GPD2: variants seen among roughly 807,000 people sequenced by gnomAD.
GPD2 encodes glycerol-3-phosphate dehydrogenase 2, also known as glycerol-3-phosphate dehydrogenase, mitochondrial.
A neutral mutation model predicts 82.4 loss-of-function variants in GPD2; 54 were observed. The observed-to-expected ratio is 0.66, with a 90% confidence interval of 0.53 to 0.82. The LOEUF (loss-of-function observed/expected upper bound fraction) is 0.82, where lower values mean the gene tolerates loss of function less well. Among genes scored for constraint, GPD2 ranks in the 40% least tolerant of loss-of-function variants. The pLI, the probability that GPD2 is intolerant of heterozygous loss-of-function variation, is 0.00. For synonymous variants in GPD2, 288 were observed against 306.1 expected (o/e 0.94, Z 0.62); for missense variants, 748 against 896.2 (o/e 0.83, Z 2.11).
the GPD2 span, among the ~76,000 whole-genome samples, chr2:156,403,778 G>A: frequency 6.6e-6 from 1 of 152,154 alleles, no homozygotes; most frequent in Admixed American, 6.5e-5. Flanking sequence ...ACAATAGCAG[G>A]TGTGTAAAAC....
chr2:156,547,704 G>C (rs1686600084), intron 6 of GPD2, among the ~76,000 whole-genome samples: 1 of 152,160 alleles, frequency 6.6e-6, no homozygotes. Context: ...TTGTTAGTAT[G>C]GAAGCTACAG....
At chr2:156,464,741 A>C (rs1294163702) in intron 1 of GPD2, among the ~76,000 whole-genome samples, 3 of 152,236 alleles carry the variant, frequency 2.0e-5, no homozygotes, top group Non-Finnish European at 4.4e-5. Flanking sequence ...TAATTTAAAA[A>C]AATAAGCTCA....
chr2:156,537,078 T>C (rs888632946), intron 6 of GPD2, among the ~76,000 whole-genome samples: 5 of 152,234 alleles, frequency 3.3e-5, no homozygotes, highest in African/African-American at 1.2e-4. Flanking sequence ...GCAGGAACTC[T>C]TCTGTTTGAC....
chr2:156,401,281 C>T, the GPD2 span, among the ~76,000 whole-genome samples: 4 of 152,156 alleles, frequency 2.6e-5, no homozygotes, highest in African/African-American at 9.7e-5. Flanking sequence ...ATTCTCTAAA[C>T]AATCACGTAT....
intron 2 of GPD2, 143 bp downstream of exon 2, chr2:156,476,350 A>G: frequency 1.5e-6 from 1 of 682,022 alleles, no homozygotes; most frequent in Non-Finnish European, 2.7e-6. Context: ...CTAATTTAGA[A>G]CAGTGCCTTA....
chr2:156,498,367 GAGGGTAGTCATATCTACATAGAA>G (rs1359789576), intron 3 of GPD2, among the ~76,000 whole-genome samples: 2 of 152,154 alleles, frequency 1.3e-5, no homozygotes, highest in African/African-American at 2.4e-5. Flanking sequence ...ACTGAAACAT[GAGGGTAGTCATATCTACATAGAA>G]TGGTCAGGAG....
At chr2:156,539,713 A>T (rs566686277) in intron 6 of GPD2, among the ~76,000 whole-genome samples, 10 of 152,318 alleles carry the variant, frequency 6.6e-5, no homozygotes, top group Non-Finnish European at 1.2e-4. Flanking sequence ...TTTTGTAAAA[A>T]GTTGTGTGCA....
At chr2:156,513,583 G>A in intron 6 of GPD2, 87 bp downstream of exon 6, 6 of 1,053,084 alleles carry the variant, frequency 5.7e-6, no homozygotes, top group Non-Finnish European at 8.7e-6. Context: ...AGATAGTTTT[G>A]CATCTTTAAA....
the GPD2 span, among the ~76,000 whole-genome samples, chr2:156,400,810 G>C: frequency 6.6e-6 from 1 of 152,218 alleles, no homozygotes; most frequent in Non-Finnish European, 1.5e-5. Context: ...TCGCATGTGT[G>C]AGGTCCCGGG....
At chr2:156,405,908 G>A in the GPD2 span, among the ~76,000 whole-genome samples, 2 of 152,168 alleles carry the variant, frequency 1.3e-5, no homozygotes, top group Non-Finnish European at 2.9e-5. Context: ...GCACCTTGGA[G>A]CACTTGCTCA....
At chr2:156,475,240 A>G (rs1393379560) in intron 1 of GPD2, among the ~76,000 whole-genome samples, 2 of 152,188 alleles carry the variant, frequency 1.3e-5, no homozygotes, top group East Asian at 1.9e-4. Flanking sequence ...TTTTCTGTTA[A>G]GTTCCCCTAA....
intron 1 of GPD2, among the ~76,000 whole-genome samples, chr2:156,458,295 T>C (rs986761863): frequency 6.6e-6 from 1 of 152,178 alleles, no homozygotes; most frequent in Non-Finnish European, 1.5e-5. Context: ...AAAGAGATTC[T>C]GTAGTTATGG....
At chr2:156,547,267 AATTTT>A (rs557082065) in intron 6 of GPD2, among the ~76,000 whole-genome samples, 118 of 152,200 alleles carry the variant, frequency 7.8e-4, no homozygotes, top group Non-Finnish European at 1.4e-3. Context: ...AGCAGTGAAT[AATTTT>A]GCCCTGGAAG....
At chr2:156,544,979 T>C (rs1258317591) in intron 6 of GPD2, among the ~76,000 whole-genome samples, 1 of 152,252 alleles carries the variant, frequency 6.6e-6, no homozygotes, top group Non-Finnish European at 1.5e-5. Flanking sequence ...TGCCTTGTTA[T>C]CACAATTCAC....
At chr2:156,510,648 A>G (rs1267540764) in intron 3 of GPD2, 148 bp from the exon 4 acceptor site, 5 of 692,524 alleles carry the variant, frequency 7.2e-6, no homozygotes, top group Middle Eastern at 3.9e-4. Flanking sequence ...TCATTATAAT[A>G]TAGACAGTGT....
chr2:156,535,569 G>GA (rs1553474586), intron 6 of GPD2, among the ~76,000 whole-genome samples: 3 of 150,140 alleles, frequency 2.0e-5, no homozygotes, highest in Admixed American at 2.0e-4. Context: ...TCTTGTTGTT[G>GA]TTTTTTTTTG....
the GPD2 span, among the ~76,000 whole-genome samples, chr2:156,411,783 A>G: frequency 6.6e-6 from 1 of 152,222 alleles, no homozygotes; most frequent in Non-Finnish European, 1.5e-5. Context: ...AGGAATTCCA[A>G]AAAATAATGG....
chr2:156,487,299 G>A (rs553151084), intron 2 of GPD2, among the ~76,000 whole-genome samples: 13 of 152,060 alleles, frequency 8.5e-5, no homozygotes, highest in East Asian at 3.9e-4. Flanking sequence ...GCAACATGGT[G>A]AGACTCTGTC....
chr2:156,538,958 C>G (rs1438345582), intron 6 of GPD2, among the ~76,000 whole-genome samples: 1 of 151,628 alleles, frequency 6.6e-6, no homozygotes, highest in African/African-American at 2.4e-5. Flanking sequence ...GAATATTTTG[C>G]TTTTATAGTT....
Sources: gnomAD v4.1 joint callset for allele counts (sites outside exome capture counted in the v4.1 genomes callset) on GRCh38, gnomAD v4.1.1 for gene constraint, MANE v1.5 for transcripts, NCBI Gene and HGNC (gene_info 2026-07-23, HGNC 2026-07-21) for gene names.